KCNIP1: variants seen among roughly 807,000 people sequenced by gnomAD.
KCNIP1 encodes the protein A-type potassium channel modulatory protein KCNIP1.
In KCNIP1, 18 loss-of-function variants were observed where a neutral mutation model predicts 33.0. That is an observed-to-expected ratio of 0.55 (90% CI 0.38 to 0.81). KCNIP1 has a LOEUF of 0.81. KCNIP1 is among the 30% of genes least tolerant of loss of function. The pLI is 0.00. For synonymous variants in KCNIP1, 93 were observed against 98.3 expected (o/e 0.95, Z 0.32); for missense variants, 238 against 271.6 (o/e 0.88, Z 0.87).
intron 1 of KCNIP1, among the ~76,000 whole-genome samples, chr5:170,478,469 T>A (rs553926820): frequency 6.8e-4 from 97 of 142,616 alleles, no homozygotes; most frequent in African/African-American, 2.5e-3. Context: ...GGAGTGTAGA[T>A]CCCTCGGGCT....
intron 1 of KCNIP1, among the ~76,000 whole-genome samples, chr5:170,544,145 G>A (rs550473944): frequency 1.3e-5 from 2 of 152,200 alleles, no homozygotes; most frequent in Admixed American, 6.5e-5. Flanking sequence ...GGGCGTGGTG[G>A]CTCACACCTG....
chr5:170,374,742 C>A (rs1357896097), intron 1 of KCNIP1: 2 of 152,170 alleles, frequency 1.3e-5, no homozygotes, highest in African/African-American at 4.8e-5. Flanking sequence ...TGCAAAAAAA[C>A]ACGTAGGCAC....
At chr5:170,573,261 A>G (rs948945428) in intron 1 of KCNIP1, among the ~76,000 whole-genome samples, 3 of 152,106 alleles carry the variant, frequency 2.0e-5, no homozygotes, top group Non-Finnish European at 4.4e-5. Context: ...TATCCTTGGG[A>G]GTTGGGAAAG....
intron 1 of KCNIP1, among the ~76,000 whole-genome samples, chr5:170,507,178 C>T (rs1218461184): frequency 6.6e-6 from 1 of 152,174 alleles, no homozygotes; most frequent in Non-Finnish European, 1.5e-5. Flanking sequence ...TTAGAAGCAA[C>T]CGGAAGAGAG....
chr5:170,590,689 A>G (rs985892167), intron 1 of KCNIP1, among the ~76,000 whole-genome samples: 7 of 152,210 alleles, frequency 4.6e-5, no homozygotes, highest in Non-Finnish European at 1.0e-4. Context: ...ATTTCAAACA[A>G]TCAGATCCCC....
chr5:170,426,999 C>T (rs1755629990), intron 1 of KCNIP1, among the ~76,000 whole-genome samples: 1 of 152,224 alleles, frequency 6.6e-6, no homozygotes, highest in Admixed American at 6.5e-5. Flanking sequence ...GAAGAGGCCT[C>T]CTTTCAGGGG....
intron 1 of KCNIP1, among the ~76,000 whole-genome samples, chr5:170,607,110 C>T (rs1034923404): frequency 3.3e-5 from 5 of 152,232 alleles, no homozygotes; most frequent in African/African-American, 1.2e-4. Flanking sequence ...ACAGACTAGA[C>T]AGGACGGCTC....
chr5:170,467,235 G>T (rs1222227989), intron 1 of KCNIP1, among the ~76,000 whole-genome samples: 1 of 152,162 alleles, frequency 6.6e-6, no homozygotes, highest in Non-Finnish European at 1.5e-5. Context: ...CAGTGCAGAG[G>T]TCGACGTTTT....
chr5:170,686,177 A>G lies in KCNIP1; in HGVS notation c.62-32581A>G, dbSNP rs997390153. Among the ~76,000 whole-genome samples the G allele has an allele frequency of 3.9e-4, 60 of 152,216 alleles. 2 individuals are homozygous for G. Among genetic ancestry groups the G allele is most frequent in the Non-Finnish European group, 1.5e-5 (1 of 68,044 alleles). On this transcript the variant is annotated intron_variant, in intron 1 of 7. Coordinates refer to ENST00000328939, the MANE Select transcript of KCNIP1 (RefSeq NM_014592.4). ...AATTTTTAAATTTTAAAAAATGAAC[A>G]CAAAGTCTATTAGAGGAATGAAATG...
chr5:170,389,956 C>CG (rs1764649200), intron 1 of KCNIP1, among the ~76,000 whole-genome samples: 1 of 152,094 alleles, frequency 6.6e-6, no homozygotes, highest in Admixed American at 6.6e-5. Flanking sequence ...GAGTTAGAGA[C>CG]GGTGGGGATT....
chr5:170,627,815 C>G (rs375020294), intron 1 of KCNIP1, among the ~76,000 whole-genome samples: 313 of 152,360 alleles, frequency 2.1e-3, no homozygotes, highest in African/African-American at 7.1e-3. Context: ...ACTGCTCCTG[C>G]TTCGAGGGAC....
intron 1 of KCNIP1, among the ~76,000 whole-genome samples, chr5:170,601,617 A>G (rs1758691568): frequency 6.6e-6 from 1 of 152,206 alleles, no homozygotes; most frequent in African/African-American, 2.4e-5. Context: ...AGAGACAATA[A>G]ATAATTCAGC....
intron 1 of KCNIP1, among the ~76,000 whole-genome samples, chr5:170,577,976 A>G (rs1757661419): frequency 6.6e-6 from 1 of 152,248 alleles, no homozygotes; most frequent in South Asian, 2.1e-4. Context: ...AAATGTGTCA[A>G]TGAACAACTT....
chr5:170,667,830 GAGTTACTGTTTTTA>G, intron 1 of KCNIP1, among the ~76,000 whole-genome samples: 1 of 152,202 alleles, frequency 6.6e-6, no homozygotes, highest in Non-Finnish European at 1.5e-5. Flanking sequence ...AATATTACTC[GAGTTACTGTTTTTA>G]TTACTTCATC....
chr5:170,397,505 T>A (rs1481354582), intron 1 of KCNIP1, among the ~76,000 whole-genome samples: 1 of 129,436 alleles, frequency 7.7e-6, no homozygotes, highest in Non-Finnish European at 1.7e-5. Flanking sequence ...TCCCTGCAAA[T>A]CCCCCAGAAA....
intron 5 of KCNIP1, among the ~76,000 whole-genome samples, chr5:170,728,975 T>A (rs894829745): frequency 1.3e-5 from 2 of 151,962 alleles, no homozygotes; most frequent in Admixed American, 1.3e-4. Flanking sequence ...AAAATAGAAA[T>A]CCCAGGTACA....
At chr5:170,565,219 C>G (rs1485446092) in intron 1 of KCNIP1, among the ~76,000 whole-genome samples, 3 of 152,072 alleles carry the variant, frequency 2.0e-5, no homozygotes, top group African/African-American at 7.2e-5. Context: ...ACGTTCAGAT[C>G]TCTATTAGAG....
chr5:170,475,680 G>T (rs960361552), intron 1 of KCNIP1, among the ~76,000 whole-genome samples: 1 of 152,132 alleles, frequency 6.6e-6, no homozygotes, highest in African/African-American at 2.4e-5. Context: ...GCCTCTTTGT[G>T]GGGGGTTCTT....
chr5:170,647,817 A>C, intron 1 of KCNIP1, among the ~76,000 whole-genome samples: 1 of 152,236 alleles, frequency 6.6e-6, no homozygotes, highest in East Asian at 1.9e-4. Flanking sequence ...TGTAAAAGGC[A>C]ATGTTAAGAG....
Sources: gnomAD v4.1 joint callset for allele counts (sites outside exome capture counted in the v4.1 genomes callset) on GRCh38, gnomAD v4.1.1 for gene constraint, MANE v1.5 for transcripts, NCBI Gene and HGNC (gene_info 2026-07-23, HGNC 2026-07-21) for gene names.